The following ZNF678 variants were observed in gnomAD, a reference collection of about 807,000 sequenced individuals.
The protein encoded by ZNF678 is hypothetical protein MGC42493.
ZNF678 carries 5 observed loss-of-function variants against 3.0 expected under a neutral mutation model. The observed-to-expected ratio is 1.69, with a 90% CI of 0.88 to 3.56. The LOEUF (loss-of-function observed/expected upper bound fraction) is 3.56. Among genes scored for constraint, ZNF678 ranks in the 30% most tolerant of loss-of-function variants. The pLI is 0.00. For synonymous variants in ZNF678, 218 were observed against 199.6 expected (o/e 1.09, Z -0.78); for missense variants, 593 against 605.0 (o/e 0.98, Z 0.21).
chr1:227,584,651 T>C (rs1276683385), intron 1 of ZNF678, among the ~76,000 whole-genome samples: 1 of 152,186 alleles, frequency 6.6e-6, no homozygotes, highest in East Asian at 1.9e-4. Context: ...GATTTTGTAG[T>C]TGGGGAGAAA....
chr1:227,653,091 C>T (rs1039451389), intron 3 of ZNF678, among the ~76,000 whole-genome samples: 3 of 152,018 alleles, frequency 2.0e-5, no homozygotes, highest in African/African-American at 7.2e-5. Context: ...TCACTCAACT[C>T]CATTTTGCCC....
At chr1:227,648,113 T>C (rs1156398225) in intron 2 of ZNF678, among the ~76,000 whole-genome samples, 1 of 152,214 alleles carries the variant, frequency 6.6e-6, no homozygotes, top group Non-Finnish European at 1.5e-5. Context: ...ATTTAAACTC[T>C]ATGCCCACAT....
At chr1:227,576,840 GATCT>G (rs1179399836) in intron 1 of ZNF678, among the ~76,000 whole-genome samples, 2 of 142,640 alleles carry the variant, frequency 1.4e-5, no homozygotes, top group Non-Finnish European at 3.1e-5. Context: ...GTTAATTTGA[GATCT>G]TTCTAACTTT....
At chr1:227,584,891 A>G (rs2102731751) in intron 1 of ZNF678, among the ~76,000 whole-genome samples, 1 of 152,326 alleles carries the variant, frequency 6.6e-6, no homozygotes, top group East Asian at 1.9e-4. Context: ...GATATTAAGG[A>G]TGAAGTGTTC....
At chr1:227,664,897 A>G (rs1376785706), downstream of ZNF678, among the ~76,000 whole-genome samples, 1 of 152,144 alleles carries the variant, frequency 6.6e-6, no homozygotes, top group African/African-American at 2.4e-5. Flanking sequence ...TTATGCAAGC[A>G]CAGCCTCTCT....
intron 1 of ZNF678, among the ~76,000 whole-genome samples, chr1:227,619,404 C>T (rs1658217688): frequency 6.6e-6 from 1 of 152,208 alleles, no homozygotes; most frequent in African/African-American, 2.4e-5. Context: ...CTGAGTCTTG[C>T]AGCTGGCATC....
At chr1:227,579,062 T>G (rs1657055750) in intron 1 of ZNF678, among the ~76,000 whole-genome samples, 1 of 152,164 alleles carries the variant, frequency 6.6e-6, no homozygotes, top group Admixed American at 6.5e-5. Context: ...CTGGGAGACT[T>G]GTATTGAACC....
intron 1 of ZNF678, among the ~76,000 whole-genome samples, chr1:227,576,085 G>C (rs529973994): frequency 1.3e-4 from 20 of 152,226 alleles, no homozygotes; most frequent in Non-Finnish European, 2.6e-4. Flanking sequence ...TGCATCCCGG[G>C]GATAAAGCCT....
intron 1 of ZNF678, among the ~76,000 whole-genome samples, chr1:227,644,849 A>G (rs1266077553): frequency 1.3e-5 from 2 of 152,148 alleles, no homozygotes; most frequent in Admixed American, 1.3e-4. Context: ...GGGTAAGAAC[A>G]TCGGTGTTGT....
chr1:227,602,482 C>G (rs921953309), intron 1 of ZNF678, among the ~76,000 whole-genome samples: 3 of 152,018 alleles, frequency 2.0e-5, no homozygotes, highest in African/African-American at 7.2e-5. Flanking sequence ...GATTTCAAGT[C>G]TCTTATTTGG....
At chr1:227,563,760 T>C (rs762743360) in intron 1 of ZNF678, 36 bp downstream of exon 1, 4 of 1,307,506 alleles carry the variant, frequency 3.1e-6, no homozygotes, top group South Asian at 1.2e-5. Flanking sequence ...AAGATGGCGG[T>C]CCGGCCTCCC....
At chr1:227,652,948 C>G (rs1659125248) in intron 3 of ZNF678, among the ~76,000 whole-genome samples, 1 of 152,064 alleles carries the variant, frequency 6.6e-6, no homozygotes, top group Non-Finnish European at 1.5e-5. Context: ...GACAGTTGTA[C>G]TGGTGATGTA....
At chr1:227,674,403 T>C (rs1241934908) in intron 5 of ZNF678, among the ~76,000 whole-genome samples, 2 of 152,012 alleles carry the variant, frequency 1.3e-5, no homozygotes, top group Non-Finnish European at 2.9e-5. Flanking sequence ...AGGAATCAAG[T>C]ATAAGAAGGA....
chr1:227,640,546 C>CA (rs1658793743), intron 1 of ZNF678, among the ~76,000 whole-genome samples: 1 of 151,952 alleles, frequency 6.6e-6, no homozygotes, highest in Admixed American at 6.6e-5. Flanking sequence ...AATCTGAGTG[C>CA]AAAAAGGCCC....
At chr1:227,620,102 G>C (rs558251367) in intron 1 of ZNF678, among the ~76,000 whole-genome samples, 1 of 152,272 alleles carries the variant, frequency 6.6e-6, no homozygotes, top group South Asian at 2.1e-4. Flanking sequence ...AGTGTATGGA[G>C]CTCCCAGAAT....
In ZNF678 at chr1:227,638,828, G is replaced by T. The variant is rs1240431929; in HGVS notation, c.-163-7716G>T. On this transcript the variant is annotated intron_variant, in intron 1 of 3. Transcript: ENST00000343776. The surrounding 1 kb of genome is among the most constrained non-coding windows in gnomAD (Gnocchi z 4.2). Reference sequence around the variant, plus strand: ...GAGTGGAGCAGGGGCTTGGGGTTTGGAGAGTTGTCCATCAATTCCCACAAC... The same window carrying T: ...GAGTGGAGCAGGGGCTTGGGGTTTGTAGAGTTGTCCATCAATTCCCACAAC... Among the ~76,000 whole-genome samples, 1 of 152,074 alleles carries T rather than the reference G, an allele frequency of 6.6e-6. No homozygotes were observed. The highest frequency in any genetic ancestry group is 2.4e-5 in the African/African-American group (1 of 41,400).
At chr1:227,671,844 T>C (rs543546899) in intron 5 of ZNF678, among the ~76,000 whole-genome samples, 1 of 152,346 alleles carries the variant, frequency 6.6e-6, no homozygotes, top group South Asian at 2.1e-4. Flanking sequence ...TCCAAGGAGC[T>C]TATCACTTAA....
At chr1:227,598,997 C>G in intron 1 of ZNF678, 1 of 1,322,938 alleles carries the variant, frequency 7.6e-7, no homozygotes, top group Admixed American at 1.7e-5. Context: ...TGGAGCCTTT[C>G]TTTTCTCCTC....
At chr1:227,663,506 G>T (rs752599850), downstream of ZNF678, among the ~76,000 whole-genome samples, 2 of 152,140 alleles carry the variant, frequency 1.3e-5, no homozygotes, top group African/African-American at 4.8e-5. Context: ...ACCTTTTTGG[G>T]TTAACCCCCG....
Sources: allele counts gnomAD v4.1 joint callset (sites outside exome capture counted in the v4.1 genomes callset), GRCh38; gene constraint gnomAD v4.1.1; non-coding constraint Gnocchi (gnomAD v3.1); transcripts MANE v1.5; gene names NCBI Gene and HGNC (gene_info 2026-07-23, HGNC 2026-07-21).